RABGAP1L: variants seen among roughly 807,000 people sequenced by gnomAD.
The protein encoded by RABGAP1L is rab GTPase-activating protein 1-like.
Under a neutral mutation model 137.7 loss-of-function variants are expected in RABGAP1L, and 63 were observed. The observed-to-expected ratio is 0.46, with a 90% CI of 0.37 to 0.56. The LOEUF is 0.56. Among genes scored for constraint, RABGAP1L ranks in the 20% least tolerant of loss-of-function variants. RABGAP1L has a pLI of 0.00. For missense variants in RABGAP1L, 1,095 were observed against 1,244.0 expected (o/e 0.88, Z 1.80); for synonymous variants, 431 against 433.7 (o/e 0.99, Z 0.08).
In RABGAP1L at chr1:174,482,372, C is replaced by G. The variant is rs186378211; in HGVS notation, c.1710+88227C>G. ...ATTATTCCAAGACTTGCTTAATTCC[C>G]TTTAGAGGTAATTTGTTCATTATTA... On this transcript the variant is annotated intron_variant, in intron 13 of 25. Transcript: ENST00000681986. 4.3e-3 allele frequency among the ~76,000 whole-genome samples: 657 copies of G among 152,218 alleles called. 5 individuals are homozygous for G. Among genetic ancestry groups the G allele is most frequent in the South Asian group, 0.029 (140 of 4,814 alleles).
chr1:174,332,597 T>G (rs1681128482), intron 11 of RABGAP1L, among the ~76,000 whole-genome samples: 1 of 152,022 alleles, frequency 6.6e-6, no homozygotes, highest in Non-Finnish European at 1.5e-5. Context: ...GGTTTTCCCA[T>G]TTTGGCCAGG....
chr1:174,958,048 A>G (rs1668757450), intron 20 of RABGAP1L: 2 of 1,528,540 alleles, frequency 1.3e-6, no homozygotes, highest in Admixed American at 2.0e-5. Context: ...TGCATGTCAT[A>G]TCCACAAAGA....
In RABGAP1L at chr1:174,165,923, A is replaced by G. The variant is rs149795734; in HGVS notation, c.-34+6266A>G. Among the ~76,000 whole-genome samples, 61 of 152,348 alleles carry G rather than the reference A, an allele frequency of 4.0e-4. 1 individual carries two copies. The highest frequency in any genetic ancestry group is 1.4e-3 in the African/African-American group (59 of 41,588). ...AAAGGCATACAAGCATAGACAGGGA[A>G]AAATGAGTAGTGAAAGAGCTAGGCA... is the stretch of plus-strand genomic sequence containing the variant. On this transcript the variant is annotated intron_variant, in intron 1 of 25. Coordinates refer to ENST00000681986, the MANE Select transcript of RABGAP1L (RefSeq NM_001366446.1).
intron 11 of RABGAP1L, among the ~76,000 whole-genome samples, chr1:174,333,161 G>C (rs1450544168): frequency 6.6e-6 from 1 of 152,184 alleles, no homozygotes; most frequent in African/African-American, 2.4e-5. Context: ...CCAGAGGTTG[G>C]GGAGAATGAG....
At chr1:174,292,878 A>G (rs1676762338) in intron 10 of RABGAP1L, among the ~76,000 whole-genome samples, 1 of 152,178 alleles carries the variant, frequency 6.6e-6, no homozygotes. Context: ...TTAGTTTACT[A>G]CATACCATAC....
chr1:174,506,621 A>G (rs1250986230), intron 13 of RABGAP1L, among the ~76,000 whole-genome samples: 1 of 152,212 alleles, frequency 6.6e-6, no homozygotes, highest in East Asian at 1.9e-4. Flanking sequence ...CAAAAAAATG[A>G]TAAGTATATT....
chr1:174,305,763 A>G (rs1241734701), intron 11 of RABGAP1L, among the ~76,000 whole-genome samples: 3 of 149,794 alleles, frequency 2.0e-5, no homozygotes, highest in African/African-American at 7.4e-5. Context: ...TATTCTTTGC[A>G]TATATATATA....
intron 19 of RABGAP1L, among the ~76,000 whole-genome samples, chr1:174,837,870 A>G (rs144360078): frequency 2.6e-4 from 40 of 152,338 alleles, no homozygotes; most frequent in African/African-American, 9.4e-4. Context: ...GTCAAAAGTG[A>G]AATAAAAAAA....
intron 13 of RABGAP1L, among the ~76,000 whole-genome samples, chr1:174,514,870 A>G (rs932338460): frequency 1.3e-5 from 2 of 152,136 alleles, no homozygotes; most frequent in Non-Finnish European, 2.9e-5. Context: ...ACTGCTTTAT[A>G]TGCTTAAAAA....
At chr1:174,657,739 C>A (rs759006497) in intron 14 of RABGAP1L, among the ~76,000 whole-genome samples, 14 of 152,114 alleles carry the variant, frequency 9.2e-5, no homozygotes, top group Non-Finnish European at 1.6e-4. Flanking sequence ...ATTTCCTTTT[C>A]TTTGGATAAA....
At chr1:174,312,662 A>G (rs955546955) in intron 11 of RABGAP1L, among the ~76,000 whole-genome samples, 14 of 152,300 alleles carry the variant, frequency 9.2e-5, no homozygotes, top group Admixed American at 7.2e-4. Flanking sequence ...GGTATTACCC[A>G]TGAAATTTTT....
At chr1:174,360,584 G>A (rs1356272347) in intron 11 of RABGAP1L, among the ~76,000 whole-genome samples, 1 of 151,996 alleles carries the variant, frequency 6.6e-6, no homozygotes, top group East Asian at 1.9e-4. Flanking sequence ...CTAATATGCC[G>A]AGCTTCAAAA....
At chr1:174,165,495 T>C (rs995468136) in intron 1 of RABGAP1L, among the ~76,000 whole-genome samples, 2 of 131,364 alleles carry the variant, frequency 1.5e-5, no homozygotes, top group Admixed American at 1.5e-4. Context: ...TTTGAACTAC[T>C]TTTTTTTTTT....
intron 13 of RABGAP1L, chr1:174,548,380 A>G (rs1205510362): frequency 2.0e-6 from 2 of 1,019,026 alleles, no homozygotes; most frequent in South Asian, 3.7e-5. Flanking sequence ...CCTGTCTACC[A>G]TATATTTAAA....
At chr1:174,484,114 G>T (rs989801942) in intron 13 of RABGAP1L, among the ~76,000 whole-genome samples, 1 of 152,142 alleles carries the variant, frequency 6.6e-6, no homozygotes, top group African/African-American at 2.4e-5. Context: ...GGGGTGAAAA[G>T]ATATCTCGTA....
chr1:174,596,463 T>A (rs377365971), intron 13 of RABGAP1L, among the ~76,000 whole-genome samples: 16 of 152,360 alleles, frequency 1.1e-4, no homozygotes, highest in African/African-American at 3.8e-4. Context: ...CTAGATAATT[T>A]ATTTGTAGCT....
At chr1:174,774,508 TGGG>T (rs1686371517) in intron 18 of RABGAP1L, among the ~76,000 whole-genome samples, 2 of 152,050 alleles carry the variant, frequency 1.3e-5, no homozygotes, top group African/African-American at 4.8e-5. Flanking sequence ...ACTCCAGCCC[TGGG>T]TGACAGAGTG....
chr1:174,257,424 G>T (rs948227168), intron 7 of RABGAP1L, among the ~76,000 whole-genome samples: 2 of 152,176 alleles, frequency 1.3e-5, no homozygotes, highest in African/African-American at 4.8e-5. Context: ...AGGTGAAATA[G>T]TTGAATGCCT....
chr1:174,600,617 A>G (rs943666353), intron 13 of RABGAP1L, among the ~76,000 whole-genome samples: 1 of 152,200 alleles, frequency 6.6e-6, no homozygotes, highest in African/African-American at 2.4e-5. Flanking sequence ...AGGCAGTCAA[A>G]TTTTAAGGCT....
Sources: gnomAD v4.1 joint callset for allele counts (sites outside exome capture counted in the v4.1 genomes callset) on GRCh38, gnomAD v4.1.1 for gene constraint, MANE v1.5 for transcripts, NCBI Gene and HGNC (gene_info 2026-07-23, HGNC 2026-07-21) for gene names.